DOCK1: variants seen among roughly 807,000 people sequenced by gnomAD.
DOCK1 encodes dedicator of cytokinesis protein 1.
DOCK1 carries 138 observed loss-of-function variants against 262.7 expected under a neutral mutation model. The ratio of observed to expected loss-of-function variants is 0.53; its 90% CI spans 0.46 to 0.61. The LOEUF is 0.61. DOCK1 is among the 20% of genes least tolerant of loss of function. The pLI is 0.00. For synonymous variants in DOCK1, 866 were observed against 867.4 expected (o/e 1.00, Z 0.03); for missense variants, 1,908 against 2,370.7 (o/e 0.80, Z 4.05).
At chr10:127,224,165 T>C (rs1002045517) in intron 27 of DOCK1, among the ~76,000 whole-genome samples, 2 of 152,228 alleles carry the variant, frequency 1.3e-5, no homozygotes, top group East Asian at 1.9e-4. Flanking sequence ...CAGTTTTTTT[T>C]CAATGAGTTA....
At chr10:127,055,489 A>G (rs1031787091) in intron 22 of DOCK1, among the ~76,000 whole-genome samples, 1 of 152,198 alleles carries the variant, frequency 6.6e-6, no homozygotes, top group Non-Finnish European at 1.5e-5. Flanking sequence ...CCCTACCTGC[A>G]AGGAAGCTGG....
chr10:126,951,293 G>A (rs1201456028), intron 1 of DOCK1, among the ~76,000 whole-genome samples: 1 of 151,442 alleles, frequency 6.6e-6, no homozygotes, highest in Non-Finnish European at 1.5e-5. Flanking sequence ...AGTATTGGTA[G>A]TGTTAGTAGT....
chr10:127,102,043 G>A (rs888043820), intron 23 of DOCK1, among the ~76,000 whole-genome samples: 4 of 152,180 alleles, frequency 2.6e-5, no homozygotes, highest in Admixed American at 1.3e-4. Context: ...CAAAGCAGAC[G>A]GTTGGGATCT....
intron 25 of DOCK1, among the ~76,000 whole-genome samples, chr10:127,117,933 C>A (rs1327058683): frequency 6.6e-6 from 1 of 152,070 alleles, no homozygotes; most frequent in African/African-American, 2.4e-5. Context: ...TGCTTTAGGA[C>A]CTCTGTCTTT....
chr10:127,114,448 A>G (rs1021312458), intron 25 of DOCK1, among the ~76,000 whole-genome samples: 8 of 152,118 alleles, frequency 5.3e-5, no homozygotes, highest in Non-Finnish European at 1.0e-4. Context: ...GTCTTAGAGG[A>G]GGAGTAACAT....
chr10:127,284,193 T>G (rs566384520), intron 29 of DOCK1, among the ~76,000 whole-genome samples: 63 of 152,318 alleles, frequency 4.1e-4, no homozygotes, highest in African/African-American at 1.5e-3. Flanking sequence ...TTAACATTGT[T>G]ATACTATGCT....
intron 1 of DOCK1, among the ~76,000 whole-genome samples, chr10:126,949,517 C>T (rs1173164143): frequency 3.9e-5 from 6 of 152,062 alleles, no homozygotes; most frequent in African/African-American, 1.4e-4. Flanking sequence ...TCCTTTTTCC[C>T]AGGGCATCAG....
At chr10:127,119,523 AG>A (rs1016263217) in intron 25 of DOCK1, among the ~76,000 whole-genome samples, 1 of 152,104 alleles carries the variant, frequency 6.6e-6, no homozygotes, top group African/African-American at 2.4e-5. Context: ...ACTTGAATGG[AG>A]GGAGGAAAGC....
chr10:127,000,095 T>G, intron 9 of DOCK1, 77 bp from the exon 10 acceptor site: 1 of 1,545,464 alleles, frequency 6.5e-7, no homozygotes, highest in East Asian at 2.3e-5. Flanking sequence ...TCAATCCATT[T>G]TTTTACTGTC....
chr10:126,918,425 GCA>G (rs1279329747), intron 1 of DOCK1, among the ~76,000 whole-genome samples: 2 of 152,230 alleles, frequency 1.3e-5, no homozygotes, highest in Non-Finnish European at 2.9e-5. Flanking sequence ...ACTTTTTATT[GCA>G]CAGAGTTGCT....
At chr10:127,276,645 A>G (rs1564958424) in intron 29 of DOCK1, among the ~76,000 whole-genome samples, 1 of 151,890 alleles carries the variant, frequency 6.6e-6, no homozygotes, top group Admixed American at 6.6e-5. Context: ...TCTTTTTTCC[A>G]TTTTGTTTAG....
chr10:127,213,011 C>A (rs996861846), intron 27 of DOCK1, among the ~76,000 whole-genome samples: 2 of 152,156 alleles, frequency 1.3e-5, no homozygotes, highest in African/African-American at 4.8e-5. Context: ...GCTAATTAAT[C>A]ATTCTTCTCC....
intron 27 of DOCK1, among the ~76,000 whole-genome samples, chr10:127,185,298 G>T (rs1457909231): frequency 6.6e-6 from 1 of 152,184 alleles, no homozygotes; most frequent in Non-Finnish European, 1.5e-5. Context: ...GGAGGCTGAG[G>T]TGGGTGGATC....
intron 4 of DOCK1, among the ~76,000 whole-genome samples, chr10:126,984,059 G>C (rs10829439): frequency 6.6e-6 from 1 of 151,880 alleles, no homozygotes; most frequent in African/African-American, 2.4e-5. Flanking sequence ...GCATGTCACC[G>C]TCTCCTCTGT....
intron 25 of DOCK1, among the ~76,000 whole-genome samples, chr10:127,119,773 T>C (rs1210556428): frequency 1.3e-5 from 2 of 152,242 alleles, no homozygotes; most frequent in Non-Finnish European, 2.9e-5. Context: ...ACTCTGTTCA[T>C]AAAAATGAAT....
intron 38 of DOCK1, among the ~76,000 whole-genome samples, chr10:127,397,732 G>A (rs1222212983): frequency 1.1e-5 from 1 of 91,664 alleles, no homozygotes; most frequent in African/African-American, 3.9e-5. Flanking sequence ...TGTGTGACCC[G>A]GGCAGCGACT....
At chr10:127,000,731 T>C (rs2135151998) in intron 10 of DOCK1, 1 of 162,498 alleles carries the variant, frequency 6.2e-6, no homozygotes, top group Non-Finnish European at 1.3e-5. Flanking sequence ...GTGCTCTTCA[T>C]CCGCCATGTT....
intron 1 of DOCK1, among the ~76,000 whole-genome samples, chr10:126,929,922 ATCAC>A (rs2034059543): frequency 1.3e-5 from 2 of 152,158 alleles, no homozygotes; most frequent in Non-Finnish European, 2.9e-5. Flanking sequence ...AGACATTTCT[ATCAC>A]TCCAAAGGAA....
At position 126,961,111 on chromosome 10, in the gene DOCK1, C is replaced by G. The variant is rs1199360778; in HGVS notation, c.47-9591C>G. 2.0e-5 allele frequency among the ~76,000 whole-genome samples: 3 copies of G among 152,236 alleles called. No homozygotes were observed. The East Asian group carries it at 5.8e-4, about 29-fold the overall frequency. On this transcript the variant is annotated intron_variant, in intron 1 of 51. Transcript: ENST00000623213. Reference sequence around the variant, plus strand: ...AACAAATGATGGTTCCTCTGTCTCACCAGGCCCAGCTAGCTCTGTTTCCTT... The same window carrying G: ...AACAAATGATGGTTCCTCTGTCTCAGCAGGCCCAGCTAGCTCTGTTTCCTT...
Sources: gnomAD v4.1 joint callset for allele counts (sites outside exome capture counted in the v4.1 genomes callset) on GRCh38, gnomAD v4.1.1 for gene constraint, MANE v1.5 for transcripts, NCBI Gene and HGNC (gene_info 2026-07-23, HGNC 2026-07-21) for gene names.